The following PCDHGB5 variants were observed in gnomAD, a reference collection of about 807,000 sequenced individuals.
The protein encoded by PCDHGB5 is protocadherin gamma-B5.
In PCDHGB5, 48 loss-of-function variants were observed where a neutral mutation model predicts 62.9. The observed-to-expected ratio is 0.76, with a 90% CI of 0.61 to 0.97. The LOEUF is 0.97. PCDHGB5 is among the 50% of genes least tolerant of loss of function. PCDHGB5 has a pLI of 0.00. For missense variants in PCDHGB5, 1,118 were observed against 1,198.6 expected (o/e 0.93, Z 0.99); for synonymous variants, 474 against 511.2 (o/e 0.93, Z 0.98).
At chr5:141,452,377 A>G (rs2098740152) in intron 1 of PCDHGB5, among the ~76,000 whole-genome samples, 1 of 152,222 alleles carries the variant, frequency 6.6e-6, no homozygotes, top group African/African-American at 2.4e-5. Flanking sequence ...TTAGTAGGGA[A>G]TAGTATTTAG....
Position 141,456,898 on chromosome 5 carries a change from G to A in PCDHGB5, c.2398-37909G>A, listed in dbSNP as rs1046778634. 3.9e-5 allele frequency among the ~76,000 whole-genome samples: 6 copies of A among 152,284 alleles called. No individual in the cohort carries two copies. The South Asian group carries it at 6.2e-4, about 16-fold the overall frequency. On this transcript the variant is annotated intron_variant, in intron 1 of 3. Transcript: ENST00000617380. ...GAATCGCTTGAACCCGGGAGGCAGA[G>A]GTTGCAGTGAGCCGAGATCGCACCA...
intron 1 of PCDHGB5, among the ~76,000 whole-genome samples, chr5:141,469,967 C>G (rs2099217411): frequency 6.6e-6 from 1 of 152,124 alleles, no homozygotes; most frequent in Admixed American, 6.6e-5. Flanking sequence ...CCCATCTGTA[C>G]CAAAAATACA....
intron 1 of PCDHGB5, among the ~76,000 whole-genome samples, chr5:141,465,335 T>C (rs1222292569): frequency 6.6e-6 from 1 of 152,186 alleles, no homozygotes; most frequent in African/African-American, 2.4e-5. Context: ...ATTTTTTATA[T>C]TGGTTACTGA....
intron 1 of PCDHGB5, chr5:141,421,255 C>A (rs759899934): frequency 1.9e-6 from 3 of 1,607,644 alleles, no homozygotes; most frequent in Non-Finnish European, 2.5e-6. Context: ...GCGCGGGGAC[C>A]GCAGTCGGCT....
Position 141,409,702 on chromosome 5 carries a change from G to A in PCDHGB5, c.2397+9178G>A, listed in dbSNP as rs545411022. The A allele has an allele frequency of 2.0e-5, 32 of 1,613,226 alleles. No homozygotes were observed. In the South Asian group the frequency reaches 3.0e-4, roughly 15 times the overall value. On this transcript the variant is annotated intron_variant, in intron 1 of 3. Transcript: ENST00000617380. ...TGGCGAGTGACCTAGAGCCCCTGGC[G>A]GTGTCGTCATACGTGTCAGTGAGCG...
chr5:141,409,205 A>G (rs766592481), intron 1 of PCDHGB5: 3 of 1,614,068 alleles, frequency 1.9e-6, no homozygotes, highest in Non-Finnish European at 1.7e-6. Context: ...TAAAGTAATC[A>G]TAGAAATCCT....
rs559316235 is a variant in PCDHGB5, at chr5:141,398,652, C to T, written c.525C>T (p.Asn175=). 27 of 1,613,990 alleles carry T rather than the reference C, an allele frequency of 1.7e-5. No homozygotes were observed. The East Asian group carries it at 5.1e-4, about 31-fold the overall frequency. The part of the protein sequence containing the change: ...NSLQKYKLSL[N]PSFSLIIKEK... ...TGCAGAAGTATAAACTCTCTCTTAA[C>T]CCAAGTTTCTCATTAATAATTAAGG... Residue 175 remains asparagine (N), a synonymous_variant, in exon 1 of 4, where the codon AAC becomes AAT. Coordinates refer to ENST00000617380, the MANE Select transcript of PCDHGB5 (RefSeq NM_018925.3).
chr5:141,495,080 G>A (rs73794925), intron 2 of PCDHGB5, among the ~76,000 whole-genome samples: 1 of 152,258 alleles, frequency 6.6e-6, no homozygotes, highest in African/African-American at 2.4e-5. Flanking sequence ...TCACATGCTT[G>A]CCCCTTCCCT....
intron 1 of PCDHGB5, chr5:141,441,988 A>G: frequency 3.7e-6 from 1 of 269,936 alleles, no homozygotes; most frequent in Non-Finnish European, 7.3e-6. Flanking sequence ...ATGCGCACCG[A>G]CGAGGTGCTG....
Position 141,487,399 on chromosome 5 carries a change from G to A in PCDHGB5, c.2398-7408G>A. 1.2e-6 allele frequency: 2 copies of A among 1,614,140 alleles called. No homozygotes were observed. Among genetic ancestry groups the A allele is most frequent in the South Asian group, 1.1e-5 (1 of 91,088 alleles). On this transcript the variant is annotated intron_variant, in intron 1 of 3. Coordinates refer to ENST00000617380, the MANE Select transcript of PCDHGB5 (RefSeq NM_018925.3). The surrounding 1 kb of genome is among the most constrained non-coding windows in gnomAD (Gnocchi z 5.0). ...TCACCAGATCTCGAAGGAGGGAGGGGCTTCCCCCTTCCAATGGGATCCTCC... is the reference window on the plus strand; with the variant it reads ...TCACCAGATCTCGAAGGAGGGAGGGACTTCCCCCTTCCAATGGGATCCTCC...
rs774271747 is a variant in PCDHGB5 at position 141,485,866 on chromosome 5, C to A, written c.2398-8941C>A. On this transcript the variant is annotated intron_variant, in intron 1 of 3. Coordinates refer to ENST00000617380, the MANE Select transcript of PCDHGB5 (RefSeq NM_018925.3). The surrounding 1 kb of genome is among the most constrained non-coding windows in gnomAD (Gnocchi z 5.7). Reference sequence around the variant, plus strand: ...CTGGCACCGCAGAGCTCCGGGTATCCGTGCTGGACGTAAACGACAACGCCC... The same window carrying A: ...CTGGCACCGCAGAGCTCCGGGTATCAGTGCTGGACGTAAACGACAACGCCC... 2 of 1,614,144 alleles carry A rather than the reference C, an allele frequency of 1.2e-6. No homozygotes were observed. Among genetic ancestry groups the A allele is most frequent in the South Asian group, 1.1e-5 (1 of 91,074 alleles).
chr5:141,414,040 C>T, intron 1 of PCDHGB5: 2 of 1,611,438 alleles, frequency 1.2e-6, no homozygotes, highest in Non-Finnish European at 1.7e-6. Context: ...CCGAAAATTA[C>T]CTGACACGCA....
chr5:141,473,930 G>T (rs966856411), intron 1 of PCDHGB5, among the ~76,000 whole-genome samples: 3 of 152,156 alleles, frequency 2.0e-5, no homozygotes, highest in Admixed American at 6.5e-5. Flanking sequence ...TGAGCTGGGT[G>T]CAGTAGCTCA....
In PCDHGB5 at chr5:141,489,098, T is replaced by C; in HGVS notation, c.2398-5709T>C. 1 of 293,346 alleles carries C rather than the reference T, an allele frequency of 3.4e-6. No homozygotes were observed. The highest frequency in any genetic ancestry group is 5.5e-5 in the South Asian group (1 of 18,124). The allele number at this position is 293,346 out of a possible 1,614,324, so 18.2% of individuals were successfully genotyped here. A position where few individuals can be genotyped will look rare whatever the true frequency, so the allele number is the denominator to read the frequency against. ...CCCCCGCCACTCGGTGACTAAGAAC[T>C]GCTGCAAGCAGGCAAACCTCCGAGC... On this transcript the variant is annotated intron_variant, in intron 1 of 3. Transcript: ENST00000617380. The surrounding 1 kb of genome is among the most constrained non-coding windows in gnomAD (Gnocchi z 4.5).
chr5:141,476,459 C>T lies in PCDHGB5; in HGVS notation c.2398-18348C>T. On this transcript the variant is annotated intron_variant, in intron 1 of 3. Coordinates refer to ENST00000617380, the MANE Select transcript of PCDHGB5 (RefSeq NM_018925.3). The surrounding 1 kb of genome is among the most constrained non-coding windows in gnomAD (Gnocchi z 7.6). ...AACTCTGGAGTTGGTAGTGGAGAACCCGCTGGAGCTGTTCAGCGTGGAAGT... is the reference window on the plus strand; with the variant it reads ...AACTCTGGAGTTGGTAGTGGAGAACTCGCTGGAGCTGTTCAGCGTGGAAGT... 6.2e-7 allele frequency: 1 copy of T among 1,614,048 alleles called. No individual in the cohort carries two copies. Among genetic ancestry groups the T allele is most frequent in the Non-Finnish European group, 8.5e-7 (1 of 1,180,006 alleles).
rs780788394 is a variant in PCDHGB5 at position 141,491,675 on chromosome 5, C to T, written c.2398-3132C>T. ...GAGCCTGACGCCATCCGGTCCCGCT[C>T]TAATACGCTGCGGGAGCGGAGCCAG... On this transcript the variant is annotated intron_variant, in intron 1 of 3. Transcript: ENST00000617380. The surrounding 1 kb of genome is among the most constrained non-coding windows in gnomAD (Gnocchi z 6.9). 6 of 1,613,450 alleles carry T rather than the reference C, an allele frequency of 3.7e-6. No homozygotes were observed. The African/African-American group carries it at 8.0e-5, about 22-fold the overall frequency.
At chr5:141,446,669 C>T (rs554578186) in intron 1 of PCDHGB5, among the ~76,000 whole-genome samples, 2 of 152,182 alleles carry the variant, frequency 1.3e-5, no homozygotes, top group Admixed American at 1.3e-4. Flanking sequence ...TACAAGACAG[C>T]ATTTCACCAT....
At chr5:141,405,044 G>T (rs769617162) in intron 1 of PCDHGB5, 160 of 1,613,938 alleles carry the variant, frequency 9.9e-5, no homozygotes, top group Middle Eastern at 1.6e-4. Flanking sequence ...TGTGGCTGTG[G>T]CAGTCGTCTC....
In PCDHGB5 at chr5:141,477,880, C is replaced by T. The variant is rs763789849; in HGVS notation, c.2398-16927C>T. 10 of 1,614,058 alleles carry T rather than the reference C, an allele frequency of 6.2e-6. No homozygotes were observed. The African/African-American group carries it at 1.2e-4, about 19-fold the overall frequency. ...TGCCTCGAGGTACCTCAGCTGGCCA[C>T]CTAGTGTCACGGGTGGTAGGCTGGG... is the stretch of plus-strand genomic sequence containing the variant. On this transcript the variant is annotated intron_variant, in intron 1 of 3. Transcript: ENST00000617380. The surrounding 1 kb of genome is among the most constrained non-coding windows in gnomAD (Gnocchi z 4.9).
Sources: gnomAD v4.1 joint callset for allele counts (sites outside exome capture counted in the v4.1 genomes callset) on GRCh38, gnomAD v4.1.1 for gene constraint, Gnocchi (gnomAD v3.1) non-coding constraint, MANE v1.5 for transcripts, NCBI Gene and HGNC (gene_info 2026-07-23, HGNC 2026-07-21) for gene names.